The following GAB1 variants were observed in gnomAD, a reference collection of about 807,000 sequenced individuals.
The protein encoded by GAB1 is GRB2 associated binding protein 1, also known as GRB2-associated-binding protein 1.
A neutral mutation model predicts 66.5 loss-of-function variants in GAB1; 19 were observed. That is an observed-to-expected ratio of 0.29 (90% CI 0.20 to 0.42). The LOEUF (loss-of-function observed/expected upper bound fraction) is 0.42. GAB1 is among the 10% of genes least tolerant of loss of function. The pLI is 1.00. For missense variants in GAB1, 732 were observed against 858.5 expected (o/e 0.85, Z 1.84); for synonymous variants, 294 against 301.4 (o/e 0.98, Z 0.25).
rs1198128380 is a variant in GAB1 at position 143,472,688 on chromosome 4, T to A, written c.*3499T>A. The A allele has an allele frequency of 6.6e-6, 1 of 152,166 alleles. No homozygotes were observed. The highest frequency in any genetic ancestry group is 2.4e-5 in the African/African-American group (1 of 41,436). 9.4% of individuals were successfully genotyped at this position (152,166 alleles called of 1,614,324 possible). A position where few individuals can be genotyped will look rare whatever the true frequency, so the allele number is the denominator to read the frequency against. On this transcript the variant is annotated 3_prime_UTR_variant, in exon 10 of 10. Transcript: ENST00000262994. The stretch of plus-strand genomic sequence containing the variant: ...TAATAATGCTGAGGTGGGCTGATCC[T>A]TCCCATTTCTGTCTTCGGGTCATTC...
At chr4:143,402,509 G>A (rs1288712232) in intron 1 of GAB1, among the ~76,000 whole-genome samples, 1 of 152,116 alleles carries the variant, frequency 6.6e-6, no homozygotes, top group East Asian at 1.9e-4. Context: ...ATGAGGAATG[G>A]GGAAGAGATC....
chr4:143,360,703 G>A (rs1322614649), intron 1 of GAB1, among the ~76,000 whole-genome samples: 3 of 152,036 alleles, frequency 2.0e-5, no homozygotes, highest in Admixed American at 6.5e-5. Flanking sequence ...TTTTTCATGT[G>A]CCAAAGTTTT....
chr4:143,373,399 G>A (rs1187096079), intron 1 of GAB1, among the ~76,000 whole-genome samples: 1 of 152,100 alleles, frequency 6.6e-6, no homozygotes, highest in Non-Finnish European at 1.5e-5. Flanking sequence ...GTTTTAGTAT[G>A]ACATTTCAAA....
At chr4:143,357,243 G>A (rs973202168) in intron 1 of GAB1, among the ~76,000 whole-genome samples, 6 of 152,180 alleles carry the variant, frequency 3.9e-5, no homozygotes, top group African/African-American at 1.4e-4. Context: ...AAAGATGCCA[G>A]CCTGGTTCAA....
chr4:143,468,139 G>A (rs1187298670), intron 9 of GAB1, among the ~76,000 whole-genome samples: 1 of 149,562 alleles, frequency 6.7e-6, no homozygotes, highest in Non-Finnish European at 1.5e-5. Flanking sequence ...TCTATGTTAA[G>A]ATGAAACAGG....
At chr4:143,457,635 T>TAATA (rs1735263874) in intron 6 of GAB1, 1 of 669,122 alleles carries the variant, frequency 1.5e-6, no homozygotes, top group Non-Finnish European at 2.3e-6. Flanking sequence ...ATTTTCCAAT[T>TAATA]AATAAATAAC....
At chr4:143,426,113 G>T in intron 2 of GAB1, 1 of 472,842 alleles carries the variant, frequency 2.1e-6, no homozygotes, top group Non-Finnish European at 3.7e-6. Flanking sequence ...GTTAGAGGTT[G>T]GTTCACCTTC....
At chr4:143,352,816 C>T (rs115747738) in intron 1 of GAB1, among the ~76,000 whole-genome samples, 7 of 152,268 alleles carry the variant, frequency 4.6e-5, no homozygotes, top group African/African-American at 7.2e-5. Context: ...GAGAGAGTAA[C>T]TTTAACCTCT....
At chr4:143,394,280 A>G (rs1275449761) in intron 1 of GAB1, among the ~76,000 whole-genome samples, 38 of 152,156 alleles carry the variant, frequency 2.5e-4, no homozygotes, top group African/African-American at 7.7e-4. Context: ...TCTGTCTCAA[A>G]ACAAAACAAA....
chr4:143,364,370 G>A (rs1729784506), intron 1 of GAB1, among the ~76,000 whole-genome samples: 1 of 152,080 alleles, frequency 6.6e-6, no homozygotes, highest in African/African-American at 2.4e-5. Context: ...TCACCTTAAA[G>A]CATCATGGTA....
intron 1 of GAB1, 146 bp from the exon 2 acceptor site, chr4:143,415,331 C>G: frequency 1.6e-6 from 1 of 622,082 alleles, no homozygotes; most frequent in Non-Finnish European, 2.7e-6. Flanking sequence ...GGCAGATTAT[C>G]CTGTGGTAAA....
chr4:143,387,432 G>A (rs1400368211), intron 1 of GAB1, among the ~76,000 whole-genome samples: 1 of 152,196 alleles, frequency 6.6e-6, no homozygotes, highest in Non-Finnish European at 1.5e-5. Flanking sequence ...TGCCTGGCAA[G>A]TGATTGTTGA....
chr4:143,420,438 C>G (rs2149725150), intron 2 of GAB1, among the ~76,000 whole-genome samples: 1 of 152,228 alleles, frequency 6.6e-6, no homozygotes, highest in African/African-American at 2.4e-5. Context: ...GTTATTTCCG[C>G]TGCCCCAGGT....
In GAB1 at chr4:143,413,824, C is replaced by CTTTTTTTTTTTTTTTTTTTTTT. The variant is rs35422180; in HGVS notation, c.73-1650_73-1629dup. On this transcript the variant is annotated intron_variant, in intron 1 of 9. Coordinates refer to ENST00000262994, the MANE Select transcript of GAB1 (RefSeq NM_002039.4). ...AGAGCATCCCCACCACCCCGCTGCCCTTTTTTTTTTTTTTTTTTTTTTTTG... is the reference window on the plus strand; with the variant it reads ...AGAGCATCCCCACCACCCCGCTGCCCTTTTTTTTTTTTTTTTTTTTTTTTTTTTTTTTTTTTTTTTTTTTTTG... Among the ~76,000 whole-genome samples the CTTTTTTTTTTTTTTTTTTTTTT allele has an allele frequency of 2.8e-4, 19 of 67,824 alleles. 2 individuals are homozygous for CTTTTTTTTTTTTTTTTTTTTTT. The highest frequency in any genetic ancestry group is 1.1e-3 in the African/African-American group (12 of 10,618). 44.5% of individuals were successfully genotyped at this position (67,824 alleles called of 152,430 possible).
intron 1 of GAB1, among the ~76,000 whole-genome samples, chr4:143,374,525 C>T (rs1000666991): frequency 6.6e-5 from 10 of 152,106 alleles, no homozygotes; most frequent in Admixed American, 1.3e-4. Flanking sequence ...TGAATGTGTT[C>T]GGTGTGTATT....
In GAB1 at chr4:143,472,962, C is replaced by A. The variant is rs1456685220; in HGVS notation, c.*3773C>A. The A allele has an allele frequency of 6.6e-6, 1 of 152,082 alleles. No individual in the cohort carries two copies. Among genetic ancestry groups the A allele is most frequent in the African/African-American group, 2.4e-5 (1 of 41,412 alleles). 9.4% of individuals were successfully genotyped at this position (152,082 alleles called of 1,614,324 possible). A position where few individuals can be genotyped will look rare whatever the true frequency, so the allele number is the denominator to read the frequency against. ...ACTTGATATGATAGAAATCAATTGT[C>A]AGCTTGAGAAAGTTGTTTTTAATCT... On this transcript the variant is annotated 3_prime_UTR_variant, in exon 10 of 10. Transcript: ENST00000262994.
chr4:143,448,539 A>C (rs1397596098), intron 6 of GAB1, among the ~76,000 whole-genome samples: 1 of 151,598 alleles, frequency 6.6e-6, no homozygotes, highest in Non-Finnish European at 1.5e-5. Context: ...TGTGTCGAGG[A>C]ATTTATCCAT....
intron 2 of GAB1, chr4:143,424,941 G>A (rs1381758205): frequency 1.9e-5 from 11 of 565,316 alleles, no homozygotes; most frequent in South Asian, 6.1e-5. Context: ...GTGGCAGAGC[G>A]AGACTCCGAC....
At chr4:143,349,812 C>A (rs1418934472) in intron 1 of GAB1, 1 of 1,586,674 alleles carries the variant, frequency 6.3e-7, no homozygotes, top group African/African-American at 1.3e-5. Flanking sequence ...CGGCACGGGT[C>A]TGCTTCTGCA....
Sources: allele counts gnomAD v4.1 joint callset (sites outside exome capture counted in the v4.1 genomes callset), GRCh38; gene constraint gnomAD v4.1.1; transcripts MANE v1.5; gene names NCBI Gene and HGNC (gene_info 2026-07-23, HGNC 2026-07-21).